SGIP1: variants seen among roughly 807,000 people sequenced by gnomAD.
SGIP1 encodes the protein SH3GL interacting endocytic adaptor 1, also known as SH3-containing GRB2-like protein 3-interacting protein 1.
In SGIP1, 38 loss-of-function variants were observed where a neutral mutation model predicts 107.5. That is an observed-to-expected ratio of 0.35 (90% CI 0.27 to 0.46). The LOEUF is 0.46. SGIP1 is among the 20% of genes least tolerant of loss of function. The probability of loss-of-function intolerance (pLI) is 1.00; values close to 1 mark genes in which losing one functional copy is unlikely to be tolerated. For synonymous variants in SGIP1, 365 were observed against 366.1 expected (o/e 1.00, Z 0.03); for missense variants, 929 against 1,019.5 (o/e 0.91, Z 1.21).
At chr1:66,590,254 T>C (rs41511845) in intron 1 of SGIP1, among the ~76,000 whole-genome samples, 28,600 of 152,114 alleles carry the variant, frequency 0.19, 3,184 homozygotes, top group African/African-American at 0.31. Flanking sequence ...TAATCCTACT[T>C]ACTTTGGAGA....
intron 18 of SGIP1, among the ~76,000 whole-genome samples, chr1:66,717,375 C>T (rs889566733): frequency 3.3e-5 from 5 of 152,090 alleles, no homozygotes; most frequent in Admixed American, 1.3e-4. Flanking sequence ...TGTGCCTTTA[C>T]GGTTTATAAA....
intron 1 of SGIP1, among the ~76,000 whole-genome samples, chr1:66,575,878 G>T (rs1257566368): frequency 6.6e-6 from 1 of 152,162 alleles, no homozygotes; most frequent in Non-Finnish European, 1.5e-5. Context: ...GGCAGCATTT[G>T]CCTTTGTTAT....
intron 17 of SGIP1, among the ~76,000 whole-genome samples, chr1:66,692,778 T>C (rs980619028): frequency 6.6e-6 from 1 of 152,202 alleles, no homozygotes; most frequent in Non-Finnish European, 1.5e-5. Flanking sequence ...AACTAAAGTT[T>C]TAAGAGCAAG....
chr1:66,726,236 G>T (rs554193618), intron 19 of SGIP1, among the ~76,000 whole-genome samples: 1 of 152,166 alleles, frequency 6.6e-6, no homozygotes, highest in Non-Finnish European at 1.5e-5. Context: ...TGTCTCTCTA[G>T]CGCCCTCTAC....
At chr1:66,608,826 T>G (rs1364877777) in intron 1 of SGIP1, among the ~76,000 whole-genome samples, 1 of 152,250 alleles carries the variant, frequency 6.6e-6, no homozygotes, top group African/African-American at 2.4e-5. Context: ...ATGCCTTATC[T>G]CACCTTTCCT....
intron 17 of SGIP1, among the ~76,000 whole-genome samples, chr1:66,693,632 G>A (rs527432501): frequency 6.6e-5 from 10 of 152,222 alleles, no homozygotes; most frequent in South Asian, 4.1e-4. Flanking sequence ...GTATGCATAA[G>A]ACCTGTGGCA....
chr1:66,548,649 G>A (rs2056867819), intron 1 of SGIP1, among the ~76,000 whole-genome samples: 1 of 152,098 alleles, frequency 6.6e-6, no homozygotes, highest in Non-Finnish European at 1.5e-5. Flanking sequence ...TTTCGTCACT[G>A]AGGCTTTTTC....
At chr1:66,716,574 A>G (rs1168369013) in intron 18 of SGIP1, among the ~76,000 whole-genome samples, 1 of 152,072 alleles carries the variant, frequency 6.6e-6, no homozygotes, top group South Asian at 2.1e-4. Flanking sequence ...ATACATTTAC[A>G]TAGCTAGCAT....
In SGIP1 at chr1:66,602,835, G is replaced by T. The variant is rs1316359558; in HGVS notation, c.11-23012G>T. Among the ~76,000 whole-genome samples the T allele has an allele frequency of 3.9e-5, 6 of 152,184 alleles. No individual in the cohort carries two copies. In the East Asian group the frequency reaches 1.2e-3, roughly 29 times the overall value. The stretch of plus-strand genomic sequence containing the variant: ...TTCTTGTAGTAAGTTTGCACATTTA[G>T]CTCATGGCAATACCAGAAATTTCCT... On this transcript the variant is annotated intron_variant, in intron 1 of 24. Coordinates refer to ENST00000371037, the MANE Select transcript of SGIP1 (RefSeq NM_032291.4).
chr1:66,570,808 A>G (rs2060279642), intron 1 of SGIP1, among the ~76,000 whole-genome samples: 3 of 151,828 alleles, frequency 2.0e-5, no homozygotes, highest in Admixed American at 1.3e-4. Flanking sequence ...CAGTCTCCCA[A>G]TAATTCAATT....
chr1:66,555,766 G>T (rs1007935573), intron 1 of SGIP1, among the ~76,000 whole-genome samples: 3 of 152,098 alleles, frequency 2.0e-5, no homozygotes, highest in Admixed American at 2.0e-4. Context: ...ATCTCTTACA[G>T]GGTAGAGGAG....
intron 18 of SGIP1, among the ~76,000 whole-genome samples, chr1:66,713,657 C>G (rs1418660756): frequency 6.6e-6 from 1 of 151,980 alleles, no homozygotes; most frequent in East Asian, 1.9e-4. Context: ...CAATAAACTC[C>G]ATAGGGGGAA....
At chr1:66,677,692 G>A (rs1331302125) in intron 13 of SGIP1, among the ~76,000 whole-genome samples, 2 of 152,232 alleles carry the variant, frequency 1.3e-5, no homozygotes, top group Non-Finnish European at 1.5e-5. Flanking sequence ...GCCGTTCACC[G>A]GTGGTGGGTT....
chr1:66,655,249 C>T (rs770846913), intron 7 of SGIP1, among the ~76,000 whole-genome samples: 3 of 152,000 alleles, frequency 2.0e-5, no homozygotes, highest in Admixed American at 6.6e-5. Context: ...ATTCTTCCCT[C>T]TCCTTCCACT....
chr1:66,554,956 G>C (rs1465839190), intron 1 of SGIP1, among the ~76,000 whole-genome samples: 1 of 152,098 alleles, frequency 6.6e-6, no homozygotes, highest in Non-Finnish European at 1.5e-5. Flanking sequence ...CTGGAGCCAG[G>C]TTAATGCTTA....
chr1:66,731,455 T>C (rs906602706), intron 20 of SGIP1, among the ~76,000 whole-genome samples: 4 of 152,178 alleles, frequency 2.6e-5, no homozygotes, highest in African/African-American at 9.7e-5. Flanking sequence ...ACTGGTCTTA[T>C]ACATAGAATC....
chr1:66,630,898 A>AGAAAGAAAGAAAGAAAG lies in SGIP1; in HGVS notation c.75-2165_75-2164insAGAAAGAAAGGAAAGAA, dbSNP rs2074317097. Among the ~76,000 whole-genome samples, 2 of 8,250 alleles carry AGAAAGAAAGAAAGAAAG rather than the reference A, an allele frequency of 2.4e-4. 1 individual carries two copies. The highest frequency in any genetic ancestry group is 4.9e-4 in the Non-Finnish European group (2 of 4,108). 5.4% of individuals were successfully genotyped at this position (8,250 alleles called of 152,430 possible). A position where few individuals can be genotyped will look rare whatever the true frequency, so the allele number is the denominator to read the frequency against. On this transcript the variant is annotated intron_variant, in intron 2 of 24. Transcript: ENST00000371037. ...AAGAAAGAAAGAAAGAAAGAAAGAA[A>AGAAAGAAAGAAAGAAAG]GAAAGAAGGGAGGGAGGGAGGGAGG... is the stretch of plus-strand genomic sequence containing the variant.
At position 66,695,255 on chromosome 1, in the gene SGIP1, TAAAAA is replaced by T. The variant is rs570067011; in HGVS notation, c.1571-167_1571-163del. 2.4e-4 allele frequency: 229 copies of T among 949,906 alleles called. 2 individuals are homozygous for T. Among genetic ancestry groups the T allele is most frequent in the Non-Finnish European group, 2.9e-4 (217 of 743,658 alleles). 58.8% of individuals were successfully genotyped at this position (949,906 alleles called of 1,614,324 possible). A position where few individuals can be genotyped will look rare whatever the true frequency, so the allele number is the denominator to read the frequency against. ...TGCTTTTGCTTTCTGTTTCCTGAAC[TAAAAA>T]AAAAAAAAAAAGTGTAGATTGCCAG... On this transcript the variant is annotated intron_variant, in intron 17 of 24. Transcript: ENST00000371037.
intron 7 of SGIP1, chr1:66,660,145 GAGAAAGAAAGAA>G (rs71575496): frequency 0.038 from 1,601 of 42,424 alleles, 72 homozygotes; most frequent in Non-Finnish European, 0.042. Context: ...AGAAAGAAGA[GAGAAAGAAAGAA>G]AGAAAGAAAG....
Sources: allele counts gnomAD v4.1 joint callset (sites outside exome capture counted in the v4.1 genomes callset), GRCh38; gene constraint gnomAD v4.1.1; transcripts MANE v1.5; gene names NCBI Gene and HGNC (gene_info 2026-07-23, HGNC 2026-07-21).